The following BEND7 variants were observed in gnomAD, a reference collection of about 807,000 sequenced individuals.
BEND7 encodes the protein BEN domain-containing protein 7.
Under a neutral mutation model 50.9 loss-of-function variants are expected in BEND7, and 28 were observed. The ratio of observed to expected loss-of-function variants is 0.55; its 90% CI spans 0.41 to 0.75. BEND7 has a LOEUF of 0.75. Among genes scored for constraint, BEND7 ranks in the 30% least tolerant of loss-of-function variants. BEND7 has a pLI of 0.00. For missense variants in BEND7, 477 were observed against 491.3 expected (o/e 0.97, Z 0.28); for synonymous variants, 170 against 183.9 (o/e 0.92, Z 0.61).
At chr10:13,506,170 G>A (rs964767970) in intron 2 of BEND7, among the ~76,000 whole-genome samples, 1 of 151,956 alleles carries the variant, frequency 6.6e-6, no homozygotes, top group African/African-American at 2.4e-5. Context: ...TTAACTGTGT[G>A]CCCTGGAACT....
chr10:13,472,682 G>A (rs1486003857), intron 6 of BEND7, among the ~76,000 whole-genome samples: 1 of 150,854 alleles, frequency 6.6e-6, no homozygotes, highest in African/African-American at 2.4e-5. Context: ...ACTCAGGGTC[G>A]ATACCCATCA....
intron 6 of BEND7, among the ~76,000 whole-genome samples, chr10:13,455,990 C>G (rs1838876379): frequency 6.6e-6 from 1 of 152,236 alleles, no homozygotes; most frequent in Non-Finnish European, 1.5e-5. Flanking sequence ...TCCTGCAGCT[C>G]CTTTAGGACA....
intron 6 of BEND7, among the ~76,000 whole-genome samples, chr10:13,472,368 G>C (rs1002774148): frequency 1.3e-5 from 2 of 151,948 alleles, no homozygotes; most frequent in Non-Finnish European, 2.9e-5. Context: ...TTAGACTCAG[G>C]GCCAATACTC....
chr10:13,441,373 AT>A lies in BEND7; in HGVS notation c.*369del, dbSNP rs1321733036. 2.8e-6 allele frequency: 3 copies of A among 1,065,246 alleles called. No homozygotes were observed. Among genetic ancestry groups the A allele is most frequent in the Non-Finnish European group, 3.4e-6 (3 of 882,736 alleles). The allele number at this position is 1,065,246 out of a possible 1,614,324, so 66.0% of individuals were successfully genotyped here. ...ACAGTAGTCACAGTAAGTAAACACA[AT>A]TTTAATTTACAAAATATGATTTTGC... On this transcript the variant is annotated 3_prime_UTR_variant, in exon 9 of 9. Transcript: ENST00000466271.
At chr10:13,501,481 A>G (rs892810650) in intron 2 of BEND7, among the ~76,000 whole-genome samples, 1 of 152,184 alleles carries the variant, frequency 6.6e-6, no homozygotes, top group South Asian at 2.1e-4. Flanking sequence ...ATCTTCTTAA[A>G]CTGTGCATCA....
intron 6 of BEND7, among the ~76,000 whole-genome samples, chr10:13,472,625 C>T (rs1031925374): frequency 3.3e-5 from 5 of 151,878 alleles, no homozygotes; most frequent in Non-Finnish European, 5.9e-5. Context: ...GGATTGATAC[C>T]CGTCATCGCT....
chr10:13,441,757 A>T lies in BEND7; in HGVS notation c.1235-7T>A. The T allele has an allele frequency of 6.2e-7, 1 of 1,613,950 alleles. No individual in the cohort carries two copies. The highest frequency in any genetic ancestry group is 1.1e-5 in the South Asian group (1 of 91,038). On this transcript the variant is annotated splice_polypyrimidine_tract_variant and splice_region_variant and intron_variant, in intron 8 of 8. Coordinates refer to ENST00000466271, the MANE Select transcript of BEND7 (RefSeq NM_001369863.1). The stretch of plus-strand genomic sequence containing the variant: ...GCAGTCCTTCATCAGACCACTTGAG[A>T]AAACAAAGGGACTGTTGTCAGGAAC...
chr10:13,473,042 C>T (rs1202458800), intron 6 of BEND7, among the ~76,000 whole-genome samples: 1 of 151,810 alleles, frequency 6.6e-6, no homozygotes, highest in Non-Finnish European at 1.5e-5. Flanking sequence ...CACTGTTAGA[C>T]TCAGGCTGAT....
At chr10:13,529,216 G>T (rs895544193), upstream of BEND7, among the ~76,000 whole-genome samples, 20 of 146,850 alleles carry the variant, frequency 1.4e-4, no homozygotes, top group Non-Finnish European at 3.0e-5. Context: ...GGCCCGGCCG[G>T]CCTGCCTGCC....
chr10:13,439,954 C>T (rs1588580898), downstream of BEND7, among the ~76,000 whole-genome samples: 1 of 152,222 alleles, frequency 6.6e-6, no homozygotes, highest in Non-Finnish European at 1.5e-5. Flanking sequence ...CGAAACCAGT[C>T]GCCCTAAACA....
rs79995544 is a variant in BEND7 at position 13,490,270 on chromosome 10, C to T, written c.837+2341G>A. Reference sequence around the variant, plus strand: ...ATGGGTTTCCAGTGTCACTTTTCATCGTTTCCAGTGCTAATCTTTCTCCTG... The same window carrying T: ...ATGGGTTTCCAGTGTCACTTTTCATTGTTTCCAGTGCTAATCTTTCTCCTG... On this transcript the variant is annotated intron_variant, in intron 5 of 8. Transcript: ENST00000466271. Among the ~76,000 whole-genome samples, 1,161 of 152,326 alleles carry T rather than the reference C, an allele frequency of 7.6e-3. 22 individuals are homozygous for T. The highest frequency in any genetic ancestry group is 0.073 in the South Asian group (353 of 4,828).
intron 6 of BEND7, among the ~76,000 whole-genome samples, chr10:13,467,263 A>G (rs561798247): frequency 1.0e-3 from 157 of 152,370 alleles, no homozygotes; most frequent in African/African-American, 3.2e-3. Context: ...TTGCTAGGAC[A>G]AAGGCTAAAA....
chr10:13,502,792 C>T, intron 2 of BEND7: 1 of 556,050 alleles, frequency 1.8e-6, no homozygotes, highest in Non-Finnish European at 2.3e-6. Context: ...AGGTTGGTGG[C>T]CGCCACCCCT....
chr10:13,526,095 G>C (rs1372958977), intron 2 of BEND7, 43 bp downstream of exon 2: 1 of 1,079,814 alleles, frequency 9.3e-7, no homozygotes, highest in Non-Finnish European at 1.2e-6. Flanking sequence ...ATTGCAAATG[G>C]TCACGATGTT....
At chr10:13,480,384 G>C (rs897496631) in intron 6 of BEND7, among the ~76,000 whole-genome samples, 2 of 152,170 alleles carry the variant, frequency 1.3e-5, no homozygotes, top group African/African-American at 4.8e-5. Context: ...AGAGGGAGAA[G>C]AGCGGGCCAG....
chr10:13,441,851 C>T (rs1835374134), intron 8 of BEND7, 101 bp from the exon 9 acceptor site: 1 of 1,218,882 alleles, frequency 8.2e-7, no homozygotes, highest in African/African-American at 1.5e-5. Context: ...TTTCTCCAAA[C>T]CTTCCTTGTA....
chr10:13,482,489 T>C (rs2075934113), intron 5 of BEND7, among the ~76,000 whole-genome samples: 1 of 152,182 alleles, frequency 6.6e-6, no homozygotes, highest in South Asian at 2.1e-4. Context: ...CTCTCCTGGA[T>C]AGTAAGAATG....
chr10:13,508,068 C>T (rs370681032), intron 2 of BEND7, among the ~76,000 whole-genome samples: 1 of 152,154 alleles, frequency 6.6e-6, no homozygotes, highest in Non-Finnish European at 1.5e-5. Flanking sequence ...TTCAGGCTTG[C>T]GGGCAGCTCT....
chr10:13,518,263 C>T (rs910090657), intron 2 of BEND7, among the ~76,000 whole-genome samples: 1 of 151,992 alleles, frequency 6.6e-6, no homozygotes, highest in Non-Finnish European at 1.5e-5. Context: ...AGGACAGCTG[C>T]TGCCCCCATG....
Sources: allele counts gnomAD v4.1 joint callset (sites outside exome capture counted in the v4.1 genomes callset), GRCh38; gene constraint gnomAD v4.1.1; transcripts MANE v1.5; gene names NCBI Gene and HGNC (gene_info 2026-07-23, HGNC 2026-07-21).